Variants in FAM171A1 observed in about 807,000 individuals in gnomAD.
FAM171A1 encodes family with sequence similarity 171 member A1, also known as protein FAM171A1.
A neutral mutation model predicts 74.9 loss-of-function variants in FAM171A1; 23 were observed. That is an observed-to-expected ratio of 0.31 (90% CI 0.22 to 0.44). The LOEUF (loss-of-function observed/expected upper bound fraction) is 0.44, where lower values mean the gene tolerates loss of function less well. Among genes scored for constraint, FAM171A1 ranks in the 20% least tolerant of loss-of-function variants. The pLI, the probability that FAM171A1 is intolerant of heterozygous loss-of-function variation, is 1.00. For missense variants in FAM171A1, 1,162 were observed against 1,159.2 expected, an observed-to-expected ratio of 1.00 and a Z score of -0.03; for synonymous variants, 527 against 505.7, an observed-to-expected ratio of 1.04 and a Z score of -0.57.
At chr10:15,268,105 C>A (rs1030759664) in intron 3 of FAM171A1, among the ~76,000 whole-genome samples, 1 of 152,098 alleles carries the variant, frequency 6.6e-6, no homozygotes, top group African/African-American at 2.4e-5. Context: ...AATGCTGTAG[C>A]CTCGTCCCTT....
intron 5 of FAM171A1, among the ~76,000 whole-genome samples, chr10:15,222,869 A>G (rs1046843700): frequency 1.4e-4 from 21 of 152,368 alleles, no homozygotes; most frequent in Non-Finnish European, 1.9e-4. Context: ...AGGCTGGATC[A>G]CTGCACCAAA....
chr10:15,254,986 C>T, intron 3 of FAM171A1, 107 bp from the exon 4 acceptor site: 1 of 987,162 alleles, frequency 1.0e-6, no homozygotes, highest in East Asian at 2.6e-5. Context: ...CTCCCCCACC[C>T]TGCTCCCTCT....
intron 5 of FAM171A1, among the ~76,000 whole-genome samples, chr10:15,226,567 C>T (rs979335394): frequency 2.6e-5 from 4 of 152,144 alleles, no homozygotes; most frequent in Non-Finnish European, 5.9e-5. Flanking sequence ...TACTCTTCTA[C>T]GTAACCTGAC....
upstream of FAM171A1, among the ~76,000 whole-genome samples, chr10:15,372,016 G>A (rs1055539015): frequency 6.6e-6 from 1 of 152,120 alleles, no homozygotes; most frequent in Non-Finnish European, 1.5e-5. Context: ...AGGGGGAAGG[G>A]GGATTCTTGA....
chr10:15,292,391 T>C (rs1286153362), intron 1 of FAM171A1, among the ~76,000 whole-genome samples: 1 of 152,212 alleles, frequency 6.6e-6, no homozygotes, highest in Non-Finnish European at 1.5e-5. Context: ...CTTTCTTTCA[T>C]GCATTGCTCC....
chr10:15,271,805 A>C (rs1236231845), intron 3 of FAM171A1, among the ~76,000 whole-genome samples: 1 of 152,206 alleles, frequency 6.6e-6, no homozygotes, highest in Non-Finnish European at 1.5e-5. Context: ...GTGAAGGAGA[A>C]ATAAAATCCT....
intron 1 of FAM171A1, among the ~76,000 whole-genome samples, chr10:15,304,412 C>T (rs1189016428): frequency 3.3e-5 from 5 of 152,118 alleles, no homozygotes; most frequent in African/African-American, 1.2e-4. Flanking sequence ...CCCCTAGGGG[C>T]TCTTATATTC....
At chr10:15,362,228 T>C (rs1359180219) in intron 1 of FAM171A1, among the ~76,000 whole-genome samples, 1 of 152,232 alleles carries the variant, frequency 6.6e-6, no homozygotes, top group Non-Finnish European at 1.5e-5. Context: ...CCAGTGACGA[T>C]GAAAATCACT....
chr10:15,257,592 G>A (rs372013557), intron 3 of FAM171A1, among the ~76,000 whole-genome samples: 12 of 152,272 alleles, frequency 7.9e-5, no homozygotes, highest in East Asian at 3.9e-4. Flanking sequence ...TGCTGGGGCT[G>A]GGGGCTGGGG....
intron 1 of FAM171A1, among the ~76,000 whole-genome samples, chr10:15,311,459 C>G (rs35900133): frequency 0.086 from 13,144 of 152,234 alleles, 613 homozygotes; most frequent in Middle Eastern, 0.12. Context: ...AGGAAGTAAC[C>G]TTCGCCTTCC....
Position 15,214,310 on chromosome 10 carries a change from G to C in FAM171A1, c.1278C>G (p.Ser426Arg). ...TGCAAGAGAGGAGCTCCTCCCGGGA[G>C]CTAAATTCCTGGGAGGTGCTGTAGG... ...KLSYSTSQEF[S>R]SREELLSCKE... Residue 426 changes from serine to arginine, a missense_variant, in exon 8 of 8, where the codon AGC becomes AGG. Ser to Arg is a moderately radical substitution (Grantham distance 110). Coordinates refer to ENST00000378116, the MANE Select transcript of FAM171A1 (RefSeq NM_001010924.2). The C allele has an allele frequency of 6.2e-7, 1 of 1,613,168 alleles. No homozygotes were observed. The highest frequency in any genetic ancestry group is 8.5e-7 in the Non-Finnish European group (1 of 1,179,646).
At chr10:15,252,191 T>C (rs1398690888) in intron 4 of FAM171A1, among the ~76,000 whole-genome samples, 3 of 152,104 alleles carry the variant, frequency 2.0e-5, no homozygotes, top group Admixed American at 2.0e-4. Flanking sequence ...AAGAGTGCGA[T>C]GCTCTCCGGT....
intron 6 of FAM171A1, among the ~76,000 whole-genome samples, chr10:15,218,116 A>G (rs887172211): frequency 1.3e-5 from 2 of 151,594 alleles, no homozygotes; most frequent in African/African-American, 4.8e-5. Flanking sequence ...GTCTCACTCT[A>G]TCATTCAGGC....
chr10:15,231,395 G>A (rs887608230), intron 5 of FAM171A1, among the ~76,000 whole-genome samples: 2 of 151,902 alleles, frequency 1.3e-5, no homozygotes, highest in African/African-American at 4.8e-5. Context: ...TAGAGATGGG[G>A]TCTTGCTATG....
intron 1 of FAM171A1, among the ~76,000 whole-genome samples, chr10:15,352,679 G>C (rs544244757): frequency 2.6e-5 from 4 of 152,164 alleles, no homozygotes; most frequent in Admixed American, 1.3e-4. Flanking sequence ...AGTACACAAC[G>C]AAAGTCTTTT....
chr10:15,238,471 G>A (rs546277272), intron 5 of FAM171A1, among the ~76,000 whole-genome samples: 19 of 152,002 alleles, frequency 1.2e-4, no homozygotes, highest in Admixed American at 4.6e-4. Flanking sequence ...TTTTCTTTAC[G>A]TTGTAAACAT....
intron 1 of FAM171A1, among the ~76,000 whole-genome samples, chr10:15,362,629 C>G (rs976964027): frequency 3.3e-5 from 5 of 152,200 alleles, no homozygotes; most frequent in African/African-American, 1.2e-4. Context: ...GAGGCTGAGG[C>G]AGGGGAATCT....
intron 1 of FAM171A1, among the ~76,000 whole-genome samples, chr10:15,314,836 G>A (rs1173699024): frequency 6.6e-6 from 1 of 152,098 alleles, no homozygotes; most frequent in African/African-American, 2.4e-5. Context: ...GCCCAGGAAT[G>A]ACTTCCAAGC....
intron 1 of FAM171A1, among the ~76,000 whole-genome samples, chr10:15,304,655 C>T (rs1433984762): frequency 6.6e-6 from 1 of 152,122 alleles, no homozygotes; most frequent in Non-Finnish European, 1.5e-5. Context: ...CTCTGTGTGG[C>T]CCTGCCTGTT....
Sources: allele counts gnomAD v4.1 joint callset (sites outside exome capture counted in the v4.1 genomes callset), GRCh38; gene constraint gnomAD v4.1.1; transcripts MANE v1.5; gene names NCBI Gene and HGNC (gene_info 2026-07-23, HGNC 2026-07-21).